The following NAV2 variants were observed in gnomAD, a reference collection of about 807,000 sequenced individuals.
The protein encoded by NAV2 is helicase, APC down-regulated 1.
NAV2 carries 54 observed loss-of-function variants against 223.2 expected under a neutral mutation model. The ratio of observed to expected loss-of-function variants is 0.24; its 90% CI spans 0.19 to 0.30. The LOEUF (loss-of-function observed/expected upper bound fraction) is 0.30. NAV2 is among the 10% of genes least tolerant of loss of function. The pLI, the probability that NAV2 is intolerant of heterozygous loss-of-function variation, is 1.00. For missense variants in NAV2, 2,806 were observed against 3,147.5 expected (o/e 0.89, Z 2.60); for synonymous variants, 1,279 against 1,239.3 (o/e 1.03, Z -0.67).
chr11:19,832,111 G>A (rs1158048774), intron 1 of NAV2, among the ~76,000 whole-genome samples: 1 of 152,110 alleles, frequency 6.6e-6, no homozygotes, highest in Non-Finnish European at 1.5e-5. Flanking sequence ...TCAATAAAGA[G>A]AAAAAGATGG....
rs190279148 is a variant in NAV2 at position 19,751,550 on chromosome 11, C to T, written c.267+37588C>T. ...TTCAAGCATGCTCCCAACTCAGGGC[C>T]GTTATTGTTGTTCCTGCTGTCTTAA... On this transcript the variant is annotated intron_variant, in intron 1 of 37. Transcript: ENST00000349880. Among the ~76,000 whole-genome samples the T allele has an allele frequency of 9.2e-5, 14 of 152,272 alleles. No individual in the cohort carries two copies. In the East Asian group the frequency reaches 1.7e-3, roughly 19 times the overall value.
At chr11:19,430,882 C>T (rs1466151771) in intron 1 of NAV2, among the ~76,000 whole-genome samples, 1 of 152,238 alleles carries the variant, frequency 6.6e-6, no homozygotes, top group Non-Finnish European at 1.5e-5. Flanking sequence ...TGTTTCCAGG[C>T]TAGCTTTGCC....
At chr11:19,669,062 T>A (rs1415245428) in intron 1 of NAV2, among the ~76,000 whole-genome samples, 1 of 152,166 alleles carries the variant, frequency 6.6e-6, no homozygotes, top group South Asian at 2.1e-4. Flanking sequence ...ATTAGAGAGA[T>A]GGTTAGCTCT....
intron 1 of NAV2, among the ~76,000 whole-genome samples, chr11:19,546,008 T>C (rs980842056): frequency 1.3e-5 from 2 of 152,096 alleles, no homozygotes. Context: ...TCCAAGTAGG[T>C]TGGGGTAGGG....
intron 1 of NAV2, among the ~76,000 whole-genome samples, chr11:19,716,628 A>G (rs1423698757): frequency 2.0e-5 from 3 of 152,206 alleles, no homozygotes; most frequent in Admixed American, 2.0e-4. Flanking sequence ...GTACAGTACC[A>G]GGCAGAACGG....
intron 6 of NAV2, among the ~76,000 whole-genome samples, chr11:19,910,798 C>G (rs182197891): frequency 4.3e-4 from 66 of 152,268 alleles, no homozygotes; most frequent in Non-Finnish European, 6.9e-4. Flanking sequence ...GCGGAGGTTG[C>G]AGTGAGCCGA....
At position 19,722,889 on chromosome 11, in the gene NAV2, G is replaced by T. The variant is rs550027739; in HGVS notation, c.267+8927G>T. Reference sequence around the variant, plus strand: ...CAAAGCTCTCCAACACCAGGTCTTAGGGAAACTTGCCTGGTCTGGCTGAGT... The same window carrying T: ...CAAAGCTCTCCAACACCAGGTCTTATGGAAACTTGCCTGGTCTGGCTGAGT... On this transcript the variant is annotated intron_variant, in intron 1 of 37. Coordinates refer to ENST00000349880, the MANE Select transcript of NAV2 (RefSeq NM_145117.5). Among the ~76,000 whole-genome samples, 19 of 152,334 alleles carry T rather than the reference G, an allele frequency of 1.2e-4. 1 individual carries two copies. Among genetic ancestry groups the T allele is most frequent in the African/African-American group, 4.6e-4 (19 of 41,572 alleles).
chr11:19,376,451 G>A (rs145335467), intron 1 of NAV2, among the ~76,000 whole-genome samples: 58 of 152,274 alleles, frequency 3.8e-4, no homozygotes, highest in African/African-American at 1.3e-3. Flanking sequence ...GGAGACGAGG[G>A]CACAGAGGGG....
Position 19,613,453 on chromosome 11 carries a change from G to T in NAV2, c.76-219031G>T, listed in dbSNP as rs190866126. Among the ~76,000 whole-genome samples the T allele has an allele frequency of 5.1e-3, 782 of 152,362 alleles. 6 individuals are homozygous for T. The highest frequency in any genetic ancestry group is 8.1e-3 in the Non-Finnish European group (553 of 68,040). On this transcript the variant is annotated intron_variant, in intron 1 of 37. Transcript: ENST00000360655. The stretch of plus-strand genomic sequence containing the variant: ...GGTATGGACAGATCTCCCAGGAGGG[G>T]CTGTCCTTGGCACCCCAGGCTGGAA...
Position 19,467,793 on chromosome 11 carries a change from A to G in NAV2, c.75+116766A>G, listed in dbSNP as rs1852421467. ...ACTCCCTGTCCTTAGTTCTGACAAG[A>G]GCTGCAGAAGATCTGGCCTGGTCCT... is the stretch of plus-strand genomic sequence containing the variant. On this transcript the variant is annotated intron_variant, in intron 1 of 37. Transcript: ENST00000360655. Among the ~76,000 whole-genome samples the G allele has an allele frequency of 3.3e-5, 5 of 152,208 alleles. No individual in the cohort carries two copies. In the South Asian group the frequency reaches 1.0e-3, roughly 32 times the overall value.
chr11:20,025,514 A>G (rs1388785833), intron 11 of NAV2, among the ~76,000 whole-genome samples: 14 of 152,196 alleles, frequency 9.2e-5, no homozygotes, highest in Non-Finnish European at 1.9e-4. Flanking sequence ...TAGTGTAACA[A>G]TGAGGGTCTA....
intron 1 of NAV2, among the ~76,000 whole-genome samples, chr11:19,760,456 G>T (rs913820980): frequency 2.0e-5 from 3 of 152,174 alleles, no homozygotes; most frequent in African/African-American, 4.8e-5. Context: ...CAGGCATGTT[G>T]CAGGAAAACA....
At chr11:19,629,979 C>G (rs2047299266) in intron 1 of NAV2, among the ~76,000 whole-genome samples, 2 of 152,224 alleles carry the variant, frequency 1.3e-5, no homozygotes, top group African/African-American at 4.8e-5. Flanking sequence ...ATTCTGTACC[C>G]TCTGATTTAT....
chr11:20,004,686 C>T (rs2052878344), intron 11 of NAV2, among the ~76,000 whole-genome samples: 1 of 152,140 alleles, frequency 6.6e-6, no homozygotes, highest in African/African-American at 2.4e-5. Context: ...CACCTAAATC[C>T]ACTGGGTTGC....
chr11:19,630,277 A>C (rs1284409228), intron 1 of NAV2, among the ~76,000 whole-genome samples: 2 of 152,174 alleles, frequency 1.3e-5, no homozygotes, highest in Non-Finnish European at 2.9e-5. Context: ...GCTTAGCCCC[A>C]AATCCTCAAC....
At chr11:19,444,902 G>A (rs1198882830) in intron 1 of NAV2, among the ~76,000 whole-genome samples, 1 of 152,044 alleles carries the variant, frequency 6.6e-6, no homozygotes, top group Non-Finnish European at 1.5e-5. Flanking sequence ...TTTATAAATA[G>A]GCATATGGAT....
chr11:19,568,411 A>G (rs2045332286), intron 1 of NAV2, among the ~76,000 whole-genome samples: 3 of 152,220 alleles, frequency 2.0e-5, no homozygotes, highest in African/African-American at 7.2e-5. Context: ...CACTCGAGGA[A>G]GGACATGGAG....
rs181347379 is a variant in NAV2, at chr11:19,365,083, C to T, written c.75+14056C>T. Among the ~76,000 whole-genome samples the T allele has an allele frequency of 8.5e-5, 13 of 152,258 alleles. No individual in the cohort carries two copies. In the East Asian group the frequency reaches 2.3e-3, roughly 27 times the overall value. ...GGTTCTTTTCCAGATATGCTTAGAGCCCAAGTTTCACAGATATGGATGATA... is the reference window on the plus strand; with the variant it reads ...GGTTCTTTTCCAGATATGCTTAGAGTCCAAGTTTCACAGATATGGATGATA... On this transcript the variant is annotated intron_variant, in intron 1 of 37. Transcript: ENST00000360655.
At chr11:19,840,104 A>G (rs986675966) in intron 2 of NAV2, among the ~76,000 whole-genome samples, 3 of 152,234 alleles carry the variant, frequency 2.0e-5, no homozygotes, top group African/African-American at 7.2e-5. Flanking sequence ...TATTTCAAGT[A>G]TATGAAACTG....
Sources: gnomAD v4.1 joint callset for allele counts (sites outside exome capture counted in the v4.1 genomes callset) on GRCh38, gnomAD v4.1.1 for gene constraint, MANE v1.5 for transcripts, NCBI Gene and HGNC (gene_info 2026-07-23, HGNC 2026-07-21) for gene names.